The following LRMDA variants were observed in gnomAD, a reference collection of about 807,000 sequenced individuals.
The protein encoded by LRMDA is leucine-rich melanocyte differentiation-associated protein.
In LRMDA, 18 loss-of-function variants were observed where a neutral mutation model predicts 29.8. The ratio of observed to expected loss-of-function variants is 0.60; its 90% CI spans 0.42 to 0.90. The LOEUF is 0.90. Ranked by LOEUF, LRMDA falls within the 40% of genes least tolerant of loss-of-function variation. The pLI, the probability that LRMDA is intolerant of heterozygous loss-of-function variation, is 0.00. For missense variants in LRMDA, 273 were observed against 273.9 expected, an observed-to-expected ratio of 1.00 and a Z score of 0.02; for synonymous variants, 125 against 109.4, an observed-to-expected ratio of 1.14 and a Z score of -0.89.
intron 5 of LRMDA, among the ~76,000 whole-genome samples, chr10:76,245,201 C>T (rs1383443246): frequency 1.3e-5 from 2 of 152,122 alleles, no homozygotes; most frequent in Non-Finnish European, 2.9e-5. Context: ...TATATATCAT[C>T]CAGGGCTTCA....
At chr10:75,861,121 C>A (rs1341235118) in intron 2 of LRMDA, among the ~76,000 whole-genome samples, 3 of 152,236 alleles carry the variant, frequency 2.0e-5, no homozygotes, top group Admixed American at 1.3e-4. Context: ...CCTCAGATAG[C>A]TGTTCCAATC....
chr10:75,581,102 G>A (rs1325277015), intron 2 of LRMDA, among the ~76,000 whole-genome samples: 2 of 152,050 alleles, frequency 1.3e-5, no homozygotes, highest in African/African-American at 4.8e-5. Flanking sequence ...ATCTGCACAG[G>A]AAAAGAAACT....
chr10:75,837,116 G>C (rs1478904927), intron 2 of LRMDA, among the ~76,000 whole-genome samples: 1 of 152,140 alleles, frequency 6.6e-6, no homozygotes, highest in Non-Finnish European at 1.5e-5. Flanking sequence ...AGATGACTTA[G>C]TACTCAAGAT....
intron 2 of LRMDA, among the ~76,000 whole-genome samples, chr10:75,461,189 G>A (rs1844579834): frequency 6.6e-6 from 1 of 152,142 alleles, no homozygotes; most frequent in South Asian, 2.1e-4. Flanking sequence ...TATTTGTTAT[G>A]CTAGGTTTGA....
At chr10:75,674,737 C>CT (rs1490850443) in intron 2 of LRMDA, among the ~76,000 whole-genome samples, 1 of 152,066 alleles carries the variant, frequency 6.6e-6, no homozygotes, top group Non-Finnish European at 1.5e-5. Context: ...CTTGCCTTTG[C>CT]TTTTATTAAT....
intron 5 of LRMDA, among the ~76,000 whole-genome samples, chr10:76,087,881 G>C (rs1280606894): frequency 2.0e-5 from 3 of 152,178 alleles, no homozygotes; most frequent in South Asian, 2.1e-4. Context: ...CAGCACTTTG[G>C]GAGGCTAGAG....
At chr10:75,559,623 A>G (rs914742946) in intron 2 of LRMDA, among the ~76,000 whole-genome samples, 18 of 149,330 alleles carry the variant, frequency 1.2e-4, no homozygotes, top group African/African-American at 4.4e-4. Flanking sequence ...TATGTCCTGA[A>G]TGGTAATGCC....
At chr10:75,817,675 C>T (rs1405511300) in intron 2 of LRMDA, among the ~76,000 whole-genome samples, 1 of 152,140 alleles carries the variant, frequency 6.6e-6, no homozygotes, top group Non-Finnish European at 1.5e-5. Context: ...AGAGAAGACA[C>T]ACATCTACTT....
At chr10:75,756,684 C>A (rs536804394) in intron 2 of LRMDA, among the ~76,000 whole-genome samples, 1 of 152,138 alleles carries the variant, frequency 6.6e-6, no homozygotes, top group Non-Finnish European at 1.5e-5. Flanking sequence ...CCCCTAAGCC[C>A]TTTGCCTACA....
rs987533448 is a variant in LRMDA at position 75,948,582 on chromosome 10, C to T, written c.132-87426C>T. 2.6e-5 allele frequency among the ~76,000 whole-genome samples: 4 copies of T among 152,042 alleles called. 1 individual carries two copies. Among genetic ancestry groups the T allele is most frequent in the African/African-American group, 9.7e-5 (4 of 41,404 alleles). On this transcript the variant is annotated intron_variant, in intron 2 of 6. Transcript: ENST00000611255. ...GGCCGACCAAGGTAAAATAGATGAG[C>T]GTATGTTGGCGACAGATTAAAAAGA...
chr10:75,956,938 G>C (rs981771101), intron 2 of LRMDA, among the ~76,000 whole-genome samples: 3 of 152,218 alleles, frequency 2.0e-5, no homozygotes, highest in African/African-American at 7.2e-5. Context: ...CAAGGAGGCA[G>C]TTACTTGTCT....
At position 75,667,979 on chromosome 10, in the gene LRMDA, C is replaced by A. The variant is rs146599169; in HGVS notation, c.131+229485C>A. Among the ~76,000 whole-genome samples the A allele has an allele frequency of 2.8e-4, 42 of 152,358 alleles. 1 individual carries two copies. The highest frequency in any genetic ancestry group is 9.4e-4 in the African/African-American group (39 of 41,584). On this transcript the variant is annotated intron_variant, in intron 2 of 6. Coordinates refer to ENST00000611255, the MANE Select transcript of LRMDA (RefSeq NM_001305581.2). ...CTACTATCAACAGCAACCACTCACA[C>A]TAACACCTATTTCTTCCATTCCTTT...
chr10:76,124,359 G>A (rs986443790), intron 5 of LRMDA, among the ~76,000 whole-genome samples: 1 of 152,184 alleles, frequency 6.6e-6, no homozygotes, highest in African/African-American at 2.4e-5. Flanking sequence ...CTTGCCAAGT[G>A]TATCATGGCT....
chr10:76,450,558 T>G (rs1391829686), intron 6 of LRMDA, among the ~76,000 whole-genome samples: 2 of 152,170 alleles, frequency 1.3e-5, no homozygotes, highest in African/African-American at 4.8e-5. Context: ...TTTCTGTTCC[T>G]TCCTCAGTAA....
At chr10:76,072,612 A>C (rs1168348324) in intron 5 of LRMDA, among the ~76,000 whole-genome samples, 1 of 152,230 alleles carries the variant, frequency 6.6e-6, no homozygotes, top group Non-Finnish European at 1.5e-5. Context: ...TGAAAAATGA[A>C]CATGGAGCTC....
Position 75,983,410 on chromosome 10 carries a change from C to T in LRMDA, c.132-52598C>T, listed in dbSNP as rs547006868. Among the ~76,000 whole-genome samples the T allele has an allele frequency of 1.1e-4, 16 of 152,196 alleles. No individual in the cohort carries two copies. In the South Asian group the frequency reaches 3.1e-3, roughly 30 times the overall value. ...TTTACTTTGAAGTGGCTGAGTGTGG[C>T]GGGGGTTCTGTGAGGGAGAGGTGAT... On this transcript the variant is annotated intron_variant, in intron 2 of 6. Transcript: ENST00000611255.
intron 2 of LRMDA, among the ~76,000 whole-genome samples, chr10:75,936,970 T>G (rs1442186648): frequency 6.6e-6 from 1 of 152,228 alleles, no homozygotes; most frequent in Admixed American, 6.5e-5. Context: ...TATTCTCATC[T>G]AAATATTGTT....
chr10:76,490,181 A>C (rs1396868488), intron 6 of LRMDA, among the ~76,000 whole-genome samples: 2 of 151,894 alleles, frequency 1.3e-5, no homozygotes, highest in African/African-American at 4.8e-5. Flanking sequence ...CAATATTTTG[A>C]GTGTTTTAAG....
At chr10:76,204,685 T>C (rs1309151928) in intron 5 of LRMDA, among the ~76,000 whole-genome samples, 1 of 152,224 alleles carries the variant, frequency 6.6e-6, no homozygotes, top group Admixed American at 6.5e-5. Context: ...TCTTCTAAAA[T>C]GTCCTAGAAA....
Sources: gnomAD v4.1 joint callset for allele counts (sites outside exome capture counted in the v4.1 genomes callset) on GRCh38, gnomAD v4.1.1 for gene constraint, MANE v1.5 for transcripts, NCBI Gene and HGNC (gene_info 2026-07-23, HGNC 2026-07-21) for gene names.